The following PTPN7 variants were observed in gnomAD, a reference collection of about 807,000 sequenced individuals.
PTPN7 encodes tyrosine-protein phosphatase non-receptor type 7.
A neutral mutation model predicts 50.3 loss-of-function variants in PTPN7; 33 were observed. The observed-to-expected ratio is 0.66, with a 90% CI of 0.50 to 0.88. PTPN7 has a LOEUF of 0.88. Among genes scored for constraint, PTPN7 ranks in the 40% least tolerant of loss-of-function variants. PTPN7 has a pLI of 0.00. For missense variants in PTPN7, 412 were observed against 475.4 expected (o/e 0.87, Z 1.24); for synonymous variants, 185 against 186.6 (o/e 0.99, Z 0.07).
At chr1:202,160,961 C>G, upstream of PTPN7, 1 of 1,428,070 alleles carries the variant, frequency 7.0e-7, no homozygotes, top group South Asian at 1.5e-5. This position sits in a 1 kb window ranked among gnomAD's most constrained non-coding sequence, Gnocchi z 4.8. Flanking sequence ...CCTGCTCAAC[C>G]TGACCTTGGC....
In PTPN7 at chr1:202,158,253, G is replaced by T; in HGVS notation, c.171C>A (p.Ala57=). 6.2e-7 allele frequency: 1 copy of T among 1,614,098 alleles called. No individual in the cohort carries two copies. Among genetic ancestry groups the T allele is most frequent in the Non-Finnish European group, 8.5e-7 (1 of 1,180,014 alleles). The change falls in exon 3 of 10, where the codon GCC becomes GCA. Residue 57 remains alanine (A), a synonymous_variant. Transcript: ENST00000691036. ...ALMLDVRSLG[A]VEPICSVNTP... is the part of the protein sequence containing the mutation. ...TGTTCACAGAGCAGATGGGTTCTAC[G>T]GCCCCCAGGGACCGAACGTCCAGCA...
chr1:202,160,005 T>G lies in PTPN7; in HGVS notation c.-53+540A>C. On this transcript the variant is annotated intron_variant, in intron 1 of 9. Transcript: ENST00000691036. The surrounding 1 kb of genome is among the most constrained non-coding windows in gnomAD (Gnocchi z 4.8). Reference sequence around the variant, plus strand: ...GTCTGTTTCTGGCTTCTGGGGTCTCTGTCCAGGGAGGTAGGCTGGAGGTGT... The same window carrying G: ...GTCTGTTTCTGGCTTCTGGGGTCTCGGTCCAGGGAGGTAGGCTGGAGGTGT... 4.0e-6 allele frequency: 4 copies of G among 995,282 alleles called. No homozygotes were observed. The highest frequency in any genetic ancestry group is 3.6e-6 in the Non-Finnish European group (3 of 835,702). 61.7% of individuals were successfully genotyped at this position (995,282 alleles called of 1,614,324 possible).
rs1557982107 is a variant in PTPN7, at chr1:202,160,525, TC to T, written c.-53+19del. ...CCCCCCGGGGCCACAGGACTCCCAG[TC>T]CCCCCTTCAGATACTTACTGAAGCA... is the stretch of plus-strand genomic sequence containing the variant. On this transcript the variant is annotated intron_variant, in intron 1 of 9. Transcript: ENST00000691036. This position sits in a 1 kb window ranked among gnomAD's most constrained non-coding sequence, Gnocchi z 4.8. 1.3e-6 allele frequency: 2 copies of T among 1,535,980 alleles called. No homozygotes were observed. The highest frequency in any genetic ancestry group is 1.2e-5 in the South Asian group (1 of 83,408).
At chr1:202,157,378 G>T (rs897087858) in intron 4 of PTPN7, among the ~76,000 whole-genome samples, 1 of 152,052 alleles carries the variant, frequency 6.6e-6, no homozygotes, top group Non-Finnish European at 1.5e-5. Context: ...GCATGGAGGC[G>T]CATGCCTGTA....
In PTPN7 at chr1:202,160,526, C is replaced by T. The variant is rs114880984; in HGVS notation, c.-53+19G>A. On this transcript the variant is annotated intron_variant, in intron 1 of 9. Transcript: ENST00000691036. This position sits in a 1 kb window ranked among gnomAD's most constrained non-coding sequence, Gnocchi z 4.8. The stretch of plus-strand genomic sequence containing the variant: ...CCCCCGGGGCCACAGGACTCCCAGT[C>T]CCCCCTTCAGATACTTACTGAAGCA... The T allele has an allele frequency of 3.3e-6, 5 of 1,536,622 alleles. No individual in the cohort carries two copies. The highest frequency in any genetic ancestry group is 4.9e-5 in the East Asian group (2 of 40,584).
At chr1:202,148,777 T>G (rs1351636769) in intron 9 of PTPN7, 78 bp from the exon 10 acceptor site, 1 of 1,204,550 alleles carries the variant, frequency 8.3e-7, no homozygotes, top group Admixed American at 2.1e-5. Context: ...AACATCCCTG[T>G]GGTCCTACTG....
At position 202,159,100 on chromosome 1, in the gene PTPN7, CT is replaced by C; in HGVS notation, c.122+180del. 1 of 628,780 alleles carries C rather than the reference CT, an allele frequency of 1.6e-6. No individual in the cohort carries two copies. Among genetic ancestry groups the C allele is most frequent in the Non-Finnish European group, 2.8e-6 (1 of 357,330 alleles). The allele number at this position is 628,780 out of a possible 1,614,324, so 39.0% of individuals were successfully genotyped here. A position where few individuals can be genotyped will look rare whatever the true frequency, so the allele number is the denominator to read the frequency against. On this transcript the variant is annotated intron_variant, in intron 2 of 9. Transcript: ENST00000691036. The surrounding 1 kb of genome is among the most constrained non-coding windows in gnomAD (Gnocchi z 4.6). ...GCAGGCTCATGGTTGATATGAAACT[CT>C]GTGCTCCAGACATGCAAAAGACATG...
chr1:202,157,117 T>C (rs2147847770), intron 4 of PTPN7, among the ~76,000 whole-genome samples: 1 of 152,258 alleles, frequency 6.6e-6, no homozygotes, highest in African/African-American at 2.4e-5. Context: ...TTGAATATCT[T>C]AGGTAAGATA....
At chr1:202,161,583 C>T (rs978932369), upstream of PTPN7, 2 of 1,255,370 alleles carry the variant, frequency 1.6e-6, no homozygotes, top group African/African-American at 1.5e-5. Flanking sequence ...CCTCCTTTTA[C>T]CTTGTAACAT....
In PTPN7 at chr1:202,154,169, G is replaced by A. The variant is rs980332681; in HGVS notation, c.606+17C>T. 17 of 1,613,814 alleles carry A rather than the reference G, an allele frequency of 1.1e-5. No individual in the cohort carries two copies. The highest frequency in any genetic ancestry group is 1.4e-5 in the Non-Finnish European group (17 of 1,180,016). ...GCACTTTCTGGGTTCATCATGAACT[G>A]TGGCTCTGCCTCCTACCTCCTTGCC... On this transcript the variant is annotated intron_variant, in intron 6 of 9. Coordinates refer to ENST00000691036, the MANE Select transcript of PTPN7 (RefSeq NM_002832.4).
intron 2 of PTPN7, chr1:202,158,925 A>G: frequency 4.1e-6 from 1 of 242,534 alleles, no homozygotes; most frequent in Non-Finnish European, 8.1e-6. Context: ...TGCCTGGCTC[A>G]GCCCTCTCCC....
chr1:202,148,891 T>C (rs1277104252), intron 9 of PTPN7, among the ~76,000 whole-genome samples, 192 bp from the exon 10 acceptor site: 1 of 121,346 alleles, frequency 8.2e-6, no homozygotes, highest in Non-Finnish European at 1.6e-5. Flanking sequence ...AGTCTCACTC[T>C]GATAGCCAGG....
intron 9 of PTPN7, among the ~76,000 whole-genome samples, chr1:202,149,700 C>T (rs1655709278): frequency 6.6e-6 from 1 of 152,092 alleles, no homozygotes; most frequent in Non-Finnish European, 1.5e-5. Flanking sequence ...CTCAGTGAGA[C>T]AGATGTCAGA....
Position 202,159,460 on chromosome 1 carries a change from A to G in PTPN7, c.-52-6T>C. ...CACTCAGCCATGAGGTCTGCCTGAAAGACAGGGCCCTCCGCTGCTGTTCTC... is the reference window on the plus strand; with the variant it reads ...CACTCAGCCATGAGGTCTGCCTGAAGGACAGGGCCCTCCGCTGCTGTTCTC... On this transcript the variant is annotated splice_polypyrimidine_tract_variant and splice_region_variant and intron_variant, in intron 1 of 9. Transcript: ENST00000691036. This position sits in a 1 kb window ranked among gnomAD's most constrained non-coding sequence, Gnocchi z 4.6. 6.2e-7 allele frequency: 1 copy of G among 1,610,010 alleles called. No individual in the cohort carries two copies. Among genetic ancestry groups the G allele is most frequent in the Non-Finnish European group, 8.5e-7 (1 of 1,176,774 alleles).
At position 202,148,520 on chromosome 1, in the gene PTPN7, C is replaced by G. The variant is rs908541500; in HGVS notation, c.*86G>C. The G allele has an allele frequency of 2.4e-6, 3 of 1,256,810 alleles. No individual in the cohort carries two copies. The African/African-American group carries it at 4.4e-5, about 19-fold the overall frequency. The allele number at this position is 1,256,810 out of a possible 1,614,324, so 77.9% of individuals were successfully genotyped here. ...TCCCCACACCAACCCAAGGGGTACC[C>G]CCAGATCACTCGGCCCACTTTCCCC... On this transcript the variant is annotated 3_prime_UTR_variant, in exon 10 of 10. Coordinates refer to ENST00000691036, the MANE Select transcript of PTPN7 (RefSeq NM_002832.4).
chr1:202,160,862 T>C, upstream of PTPN7: 1 of 1,485,614 alleles, frequency 6.7e-7, no homozygotes, highest in Non-Finnish European at 9.0e-7. This position sits in a 1 kb window ranked among gnomAD's most constrained non-coding sequence, Gnocchi z 4.8. Flanking sequence ...CTCCTCTGGG[T>C]CTTTGTCACA....
At chr1:202,161,498 C>G, upstream of PTPN7, 2 of 1,289,838 alleles carry the variant, frequency 1.6e-6, no homozygotes, top group Non-Finnish European at 2.0e-6. Context: ...CAAGACTCCT[C>G]TGCCCACTGC....
At position 202,159,500 on chromosome 1, in the gene PTPN7, G is replaced by C. The variant is rs771178238; in HGVS notation, c.-52-46C>G. The C allele has an allele frequency of 6.3e-7, 1 of 1,581,434 alleles. No individual in the cohort carries two copies. Among genetic ancestry groups the C allele is most frequent in the Non-Finnish European group, 8.6e-7 (1 of 1,159,346 alleles). On this transcript the variant is annotated intron_variant, in intron 1 of 9. Transcript: ENST00000691036. The surrounding 1 kb of genome is among the most constrained non-coding windows in gnomAD (Gnocchi z 4.6). ...CTGCTGTTCTCTGGCCTGCCTGATT[G>C]GCCAGAAGGAGGCTCCCATGCCAGG...
At chr1:202,156,412 G>A (rs1273345637) in intron 4 of PTPN7, among the ~76,000 whole-genome samples, 1 of 152,242 alleles carries the variant, frequency 6.6e-6, no homozygotes, top group African/African-American at 2.4e-5. Flanking sequence ...TCACATAGCT[G>A]TGAAGTGGGA....
Sources: gnomAD v4.1 joint callset for allele counts (sites outside exome capture counted in the v4.1 genomes callset) on GRCh38, gnomAD v4.1.1 for gene constraint, Gnocchi (gnomAD v3.1) non-coding constraint, MANE v1.5 for transcripts, NCBI Gene and HGNC (gene_info 2026-07-23, HGNC 2026-07-21) for gene names.